Variants in WWOX observed in about 807,000 individuals in gnomAD.
WWOX encodes WW domain containing oxidoreductase.
A neutral mutation model predicts 46.2 loss-of-function variants in WWOX; 69 were observed. The ratio of observed to expected loss-of-function variants is 1.49; its 90% CI spans 1.23 to 1.82. The LOEUF is 1.82. Among genes scored for constraint, WWOX ranks in the 40% most tolerant of loss-of-function variants. The pLI, the probability that WWOX is intolerant of heterozygous loss-of-function variation, is 0.00. For missense variants in WWOX, 919 were observed against 542.6 expected, an observed-to-expected ratio of 1.69 and a Z score of -6.89; for synonymous variants, 359 against 202.6, an observed-to-expected ratio of 1.77 and a Z score of -6.56.
intron 8 of WWOX, among the ~76,000 whole-genome samples, chr16:78,880,930 C>T (rs973096756): frequency 1.3e-5 from 2 of 151,372 alleles, no homozygotes; most frequent in Non-Finnish European, 1.5e-5. Context: ...GTTTTCCAAG[C>T]ACTTTTTTTT....
chr16:78,393,833 C>G (rs915592554), intron 6 of WWOX, among the ~76,000 whole-genome samples: 1 of 151,396 alleles, frequency 6.6e-6, no homozygotes. Context: ...TAATATAGAA[C>G]AGTGGTGTTT....
At chr16:78,775,416 G>A (rs900981379) in intron 8 of WWOX, among the ~76,000 whole-genome samples, 2 of 152,132 alleles carry the variant, frequency 1.3e-5, no homozygotes, top group African/African-American at 4.8e-5. Context: ...ACCCCAAAGT[G>A]ATGTTCTTTT....
rs188217610 is a variant in WWOX, at chr16:78,658,082, A to G, written c.1056+225330A>G. Reference sequence around the variant, plus strand: ...GATTTCCTGTGAGTTACAAGACATTAAGCAACATCACTGGCCTCTACCCAC... The same window carrying G: ...GATTTCCTGTGAGTTACAAGACATTGAGCAACATCACTGGCCTCTACCCAC... On this transcript the variant is annotated intron_variant, in intron 8 of 8. Transcript: ENST00000566780. Among the ~76,000 whole-genome samples, 350 of 152,174 alleles carry G rather than the reference A, an allele frequency of 2.3e-3. 3 individuals carry two copies. Among genetic ancestry groups the G allele is most frequent in the Middle Eastern group, 6.8e-3 (2 of 294 alleles).
intron 8 of WWOX, among the ~76,000 whole-genome samples, chr16:79,048,520 T>C (rs947004595): frequency 9.9e-5 from 15 of 152,120 alleles, no homozygotes; most frequent in Non-Finnish European, 1.9e-4. Flanking sequence ...TAATCATATA[T>C]ATATATAAAA....
At chr16:78,624,460 A>G (rs1456279891) in intron 8 of WWOX, among the ~76,000 whole-genome samples, 3 of 152,108 alleles carry the variant, frequency 2.0e-5, no homozygotes, top group Non-Finnish European at 4.4e-5. Flanking sequence ...CTCATATCTT[A>G]TTTCCCACTT....
chr16:79,115,280 T>C (rs2049493271), intron 8 of WWOX, among the ~76,000 whole-genome samples: 1 of 152,210 alleles, frequency 6.6e-6, no homozygotes, highest in Non-Finnish European at 1.5e-5. Flanking sequence ...ATGTAGCCTG[T>C]CTCATATGTG....
chr16:78,643,181 C>T (rs1383640643), intron 8 of WWOX, among the ~76,000 whole-genome samples: 4 of 152,168 alleles, frequency 2.6e-5, no homozygotes, highest in Non-Finnish European at 4.4e-5. Context: ...GTAATATTTG[C>T]AGCATGTCTT....
chr16:78,489,111 G>A (rs190301948), intron 8 of WWOX, among the ~76,000 whole-genome samples: 231 of 152,308 alleles, frequency 1.5e-3, no homozygotes, highest in Non-Finnish European at 2.4e-3. Context: ...CTTGTTACTA[G>A]CAGATCAATA....
At chr16:79,082,025 G>A (rs980450269) in intron 8 of WWOX, among the ~76,000 whole-genome samples, 4 of 152,202 alleles carry the variant, frequency 2.6e-5, no homozygotes, top group Non-Finnish European at 5.9e-5. Context: ...AAGCACAGGA[G>A]TGTGGTTTAT....
intron 8 of WWOX, among the ~76,000 whole-genome samples, chr16:78,505,288 A>C (rs1359334027): frequency 6.6e-6 from 1 of 152,178 alleles, no homozygotes; most frequent in Non-Finnish European, 1.5e-5. Flanking sequence ...TTTCATACTG[A>C]GTTAATACAC....
At chr16:78,435,390 T>C (rs1356088974) in intron 8 of WWOX, among the ~76,000 whole-genome samples, 2 of 152,158 alleles carry the variant, frequency 1.3e-5, no homozygotes, top group Non-Finnish European at 2.9e-5. Flanking sequence ...CAGAGACTAC[T>C]TGTGAACAGG....
intron 8 of WWOX, among the ~76,000 whole-genome samples, chr16:78,778,737 T>C (rs1028944112): frequency 1.3e-5 from 2 of 152,168 alleles, no homozygotes; most frequent in Non-Finnish European, 2.9e-5. Flanking sequence ...GGAAGACTTC[T>C]CTTGAAAAAC....
intron 8 of WWOX, among the ~76,000 whole-genome samples, chr16:79,008,191 G>C (rs1458845724): frequency 6.6e-6 from 1 of 152,170 alleles, no homozygotes; most frequent in Admixed American, 6.5e-5. Flanking sequence ...GCAGCCCCTA[G>C]AGGCTATTCT....
intron 6 of WWOX, among the ~76,000 whole-genome samples, chr16:78,389,275 C>T (rs183960442): frequency 6.6e-6 from 1 of 152,332 alleles, no homozygotes; most frequent in East Asian, 1.9e-4. Flanking sequence ...TTTGCTTCGT[C>T]ATTCATTTAT....
At chr16:78,368,374 C>A (rs540306890) in intron 5 of WWOX, among the ~76,000 whole-genome samples, 1 of 152,244 alleles carries the variant, frequency 6.6e-6, no homozygotes, top group Non-Finnish European at 1.5e-5. Context: ...CTGGGGGATG[C>A]TTTGTAGACC....
At chr16:78,962,458 G>A (rs1488411664) in intron 8 of WWOX, among the ~76,000 whole-genome samples, 1 of 151,940 alleles carries the variant, frequency 6.6e-6, no homozygotes, top group Non-Finnish European at 1.5e-5. Flanking sequence ...TACTCTCAGG[G>A]ATGACAGTCA....
chr16:78,978,638 A>C (rs11862444), intron 8 of WWOX, among the ~76,000 whole-genome samples: 1 of 152,172 alleles, frequency 6.6e-6, no homozygotes, highest in Non-Finnish European at 1.5e-5. Context: ...CAGGAAACTT[A>C]TAATCATGGC....
intron 5 of WWOX, among the ~76,000 whole-genome samples, chr16:78,369,926 A>T (rs2081630040): frequency 1.3e-5 from 2 of 151,966 alleles, no homozygotes; most frequent in Non-Finnish European, 1.5e-5. Context: ...TAAGGCCAGG[A>T]GTTTGAGACC....
At chr16:78,257,072 G>A (rs777708539) in intron 5 of WWOX, among the ~76,000 whole-genome samples, 1 of 151,928 alleles carries the variant, frequency 6.6e-6, no homozygotes. Flanking sequence ...GAATGGGGTC[G>A]CCCCATGAAC....
Sources: allele counts gnomAD v4.1 joint callset (sites outside exome capture counted in the v4.1 genomes callset), GRCh38; gene constraint gnomAD v4.1.1; transcripts MANE v1.5; gene names NCBI Gene and HGNC (gene_info 2026-07-23, HGNC 2026-07-21).